The following RALYL variants were observed in gnomAD, a reference collection of about 807,000 sequenced individuals.
RALYL encodes RALY RNA binding protein like.
RALYL carries 29 observed loss-of-function variants against 35.1 expected under a neutral mutation model. That is an observed-to-expected ratio of 0.83 (90% CI 0.61 to 1.13). The LOEUF is 1.13. RALYL is among the 50% of genes most tolerant of loss of function. The pLI is 0.00. For synonymous variants in RALYL, 120 were observed against 127.6 expected, an observed-to-expected ratio of 0.94 and a Z score of 0.40; for missense variants, 359 against 360.4, an observed-to-expected ratio of 1.00 and a Z score of 0.03.
intron 2 of RALYL, among the ~76,000 whole-genome samples, chr8:84,600,620 G>A (rs1200475954): frequency 1.3e-5 from 2 of 152,116 alleles, no homozygotes; most frequent in African/African-American, 2.4e-5. Context: ...GAATTTGCAG[G>A]CCTTTGGGAC....
intron 2 of RALYL, among the ~76,000 whole-genome samples, chr8:84,648,737 A>G (rs1258357090): frequency 6.6e-6 from 1 of 151,516 alleles, no homozygotes; most frequent in Admixed American, 6.6e-5. Flanking sequence ...TGAAATTATT[A>G]ATATATTATT....
At chr8:84,762,115 G>A (rs1812856174) in intron 2 of RALYL, among the ~76,000 whole-genome samples, 1 of 152,030 alleles carries the variant, frequency 6.6e-6, no homozygotes, top group Non-Finnish European at 1.5e-5. Flanking sequence ...AGGAATAAAG[G>A]GGCAGTAGCA....
intron 1 of RALYL, among the ~76,000 whole-genome samples, chr8:84,362,851 T>A (rs1455247370): frequency 1.3e-5 from 2 of 152,126 alleles, no homozygotes; most frequent in African/African-American, 4.8e-5. Context: ...AAAAAAATTA[T>A]AATTTGAGTA....
chr8:84,246,950 G>A (rs1829224532), intron 1 of RALYL, among the ~76,000 whole-genome samples: 1 of 152,174 alleles, frequency 6.6e-6, no homozygotes, highest in Non-Finnish European at 1.5e-5. Context: ...ACTTTGGAGT[G>A]AGATTGGCTA....
chr8:84,918,471 C>G (rs911804730), intron 8 of RALYL, among the ~76,000 whole-genome samples: 1 of 151,950 alleles, frequency 6.6e-6, no homozygotes, highest in Non-Finnish European at 1.5e-5. Context: ...GTTTAAAAAG[C>G]ATTCATCATC....
intron 4 of RALYL, among the ~76,000 whole-genome samples, chr8:84,835,806 A>T (rs1287636022): frequency 6.6e-6 from 1 of 152,034 alleles, no homozygotes; most frequent in Non-Finnish European, 1.5e-5. Flanking sequence ...AATGCAAAAG[A>T]TTGTGTCAAG....
intron 1 of RALYL, among the ~76,000 whole-genome samples, chr8:84,357,671 T>G (rs1852122117): frequency 6.6e-6 from 1 of 150,406 alleles, no homozygotes; most frequent in African/African-American, 2.4e-5. Context: ...CTGTTTCCTT[T>G]TAAATCATTG....
At chr8:84,455,486 T>G (rs2050026623) in intron 1 of RALYL, among the ~76,000 whole-genome samples, 1 of 152,026 alleles carries the variant, frequency 6.6e-6, no homozygotes, top group Non-Finnish European at 1.5e-5. Flanking sequence ...CTGAAAGAAT[T>G]ATCCCAAATT....
chr8:84,306,419 C>T (rs1003051829), intron 1 of RALYL, among the ~76,000 whole-genome samples: 9 of 152,120 alleles, frequency 5.9e-5, no homozygotes, highest in African/African-American at 2.2e-4. Flanking sequence ...TTTAAACCAT[C>T]TTTTGATAAG....
At chr8:84,188,104 A>AT (rs1812968110) in intron 1 of RALYL, among the ~76,000 whole-genome samples, 1 of 151,544 alleles carries the variant, frequency 6.6e-6, no homozygotes, top group African/African-American at 2.4e-5. Context: ...GTTTATTTTT[A>AT]TTTTTTCTTT....
At chr8:84,858,109 A>T (rs991409820) in intron 5 of RALYL, among the ~76,000 whole-genome samples, 1 of 152,082 alleles carries the variant, frequency 6.6e-6, no homozygotes, top group African/African-American at 2.4e-5. Context: ...AATTAATATT[A>T]CCAGTTTTTA....
chr8:84,909,618 G>A (rs150111190), intron 8 of RALYL, among the ~76,000 whole-genome samples: 73 of 152,196 alleles, frequency 4.8e-4, no homozygotes, highest in African/African-American at 1.5e-3. Context: ...TATGAACAAA[G>A]CACTGGGTTA....
intron 1 of RALYL, among the ~76,000 whole-genome samples, chr8:84,435,507 T>A (rs1205068970): frequency 6.6e-6 from 1 of 152,168 alleles, no homozygotes; most frequent in African/African-American, 2.4e-5. Context: ...CAGAGGGGAC[T>A]TTTTAATGAA....
intron 2 of RALYL, among the ~76,000 whole-genome samples, chr8:84,748,247 G>A (rs1337825908): frequency 1.3e-5 from 2 of 151,978 alleles, no homozygotes; most frequent in Non-Finnish European, 2.9e-5. Context: ...TTGAAGGTAG[G>A]AATGGTAGGT....
At chr8:84,500,970 C>T (rs376481900) in intron 1 of RALYL, among the ~76,000 whole-genome samples, 12 of 152,218 alleles carry the variant, frequency 7.9e-5, no homozygotes, top group Middle Eastern at 3.4e-3. Flanking sequence ...CAATAATCTT[C>T]AATTCTGGCT....
At chr8:84,270,037 C>G (rs192048099) in intron 1 of RALYL, among the ~76,000 whole-genome samples, 7 of 152,142 alleles carry the variant, frequency 4.6e-5, no homozygotes, top group African/African-American at 1.4e-4. Flanking sequence ...CATAATAACA[C>G]TGCTGTGGAC....
At chr8:84,363,710 A>C (rs1406428532) in intron 1 of RALYL, among the ~76,000 whole-genome samples, 2 of 152,164 alleles carry the variant, frequency 1.3e-5, no homozygotes, top group Non-Finnish European at 2.9e-5. Flanking sequence ...ACGGATGAAT[A>C]AGGAAGGCAT....
chr8:84,291,666 A>G (rs1463161251), intron 1 of RALYL, among the ~76,000 whole-genome samples: 2 of 152,006 alleles, frequency 1.3e-5, no homozygotes, highest in African/African-American at 2.4e-5. Flanking sequence ...TGTGCTTACT[A>G]TAGATATAAT....
At chr8:84,192,944 C>A (rs1814343624) in intron 1 of RALYL, among the ~76,000 whole-genome samples, 1 of 145,846 alleles carries the variant, frequency 6.9e-6, no homozygotes, top group South Asian at 2.2e-4. Context: ...GTAAAATAAT[C>A]ATTTGTTAAC....
Sources: gnomAD v4.1 joint callset for allele counts (sites outside exome capture counted in the v4.1 genomes callset) on GRCh38, gnomAD v4.1.1 for gene constraint, MANE v1.5 for transcripts, NCBI Gene and HGNC (gene_info 2026-07-23, HGNC 2026-07-21) for gene names.